Variants in SKAP1 observed in about 807,000 individuals in gnomAD.
The protein encoded by SKAP1 is src kinase-associated phosphoprotein 1.
A neutral mutation model predicts 58.5 loss-of-function variants in SKAP1; 44 were observed. The observed-to-expected ratio is 0.75, with a 90% CI of 0.59 to 0.97. The LOEUF (loss-of-function observed/expected upper bound fraction) is 0.97, where lower values mean the gene tolerates loss of function less well. SKAP1 is among the 50% of genes least tolerant of loss of function. The pLI is 0.00. For missense variants in SKAP1, 390 were observed against 435.2 expected, an observed-to-expected ratio of 0.90 and a Z score of 0.92; for synonymous variants, 127 against 149.7, an observed-to-expected ratio of 0.85 and a Z score of 1.11.
intron 4 of SKAP1, among the ~76,000 whole-genome samples, chr17:48,276,344 C>T (rs2065700893): frequency 6.6e-6 from 1 of 152,082 alleles, no homozygotes. Context: ...CCCTGATTCC[C>T]CTGGGCAAAA....
At chr17:48,268,599 C>T (rs143027552) in intron 4 of SKAP1, among the ~76,000 whole-genome samples, 4 of 152,106 alleles carry the variant, frequency 2.6e-5, no homozygotes, top group East Asian at 1.9e-4. Flanking sequence ...TCAAGTGATT[C>T]GCCTACCTCA....
At chr17:48,290,588 T>A (rs2065887453) in intron 4 of SKAP1, among the ~76,000 whole-genome samples, 1 of 152,216 alleles carries the variant, frequency 6.6e-6, no homozygotes, top group African/African-American at 2.4e-5. Flanking sequence ...ACACTTTGTC[T>A]CTCTTCCCTA....
chr17:48,371,080 G>A (rs1289673352), intron 2 of SKAP1, among the ~76,000 whole-genome samples: 1 of 152,120 alleles, frequency 6.6e-6, no homozygotes, highest in Non-Finnish European at 1.5e-5. Flanking sequence ...CTAAACATTA[G>A]GTACTTATGA....
chr17:48,320,841 T>C (rs1016894849), intron 4 of SKAP1, among the ~76,000 whole-genome samples: 1 of 152,172 alleles, frequency 6.6e-6, no homozygotes, highest in African/African-American at 2.4e-5. Flanking sequence ...AATTCCTAGA[T>C]ACTTCAAAAC....
chr17:48,382,174 T>C (rs957961347), intron 2 of SKAP1, among the ~76,000 whole-genome samples: 4 of 146,818 alleles, frequency 2.7e-5, no homozygotes, highest in African/African-American at 1.0e-4. Flanking sequence ...GCTGTGACTA[T>C]TATTCTTAAA....
intron 4 of SKAP1, among the ~76,000 whole-genome samples, chr17:48,242,443 C>T (rs2065252483): frequency 6.6e-6 from 1 of 152,196 alleles, no homozygotes; most frequent in African/African-American, 2.4e-5. Context: ...CAGTAATGGT[C>T]TAACACAGCA....
chr17:48,375,958 T>C (rs1175695767), intron 2 of SKAP1, among the ~76,000 whole-genome samples: 2 of 152,134 alleles, frequency 1.3e-5, no homozygotes, highest in East Asian at 3.9e-4. Context: ...AGAGACTGGC[T>C]AGGAGGAGAG....
intron 4 of SKAP1, among the ~76,000 whole-genome samples, chr17:48,260,212 G>A (rs1032248057): frequency 6.6e-5 from 10 of 152,238 alleles, no homozygotes; most frequent in Admixed American, 6.5e-5. Flanking sequence ...AAGAAACTCC[G>A]AGGCTAGCAG....
At chr17:48,399,821 G>A (rs916173293) in intron 1 of SKAP1, among the ~76,000 whole-genome samples, 5 of 151,524 alleles carry the variant, frequency 3.3e-5, no homozygotes, top group Non-Finnish European at 5.9e-5. Flanking sequence ...CTTTCCCCAC[G>A]TTCCTTAGAT....
chr17:48,155,252 C>T (rs1342291570), intron 11 of SKAP1, among the ~76,000 whole-genome samples: 2 of 151,308 alleles, frequency 1.3e-5, no homozygotes, highest in South Asian at 2.1e-4. Context: ...CTCAGCTTCC[C>T]TAGTAGCTGG....
At chr17:48,308,910 T>G (rs2066184662) in intron 4 of SKAP1, 3 of 152,162 alleles carry the variant, frequency 2.0e-5, no homozygotes, top group South Asian at 2.1e-4. Context: ...TTATTTGAGC[T>G]CAGTTCCTCC....
chr17:48,223,630 C>T (rs2065030325), intron 4 of SKAP1, among the ~76,000 whole-genome samples: 2 of 152,166 alleles, frequency 1.3e-5, no homozygotes, highest in Admixed American at 1.3e-4. Flanking sequence ...GAAATGCCTG[C>T]AAATTTCCAT....
the SKAP1 span, among the ~76,000 whole-genome samples, chr17:48,439,593 T>G: frequency 2.0e-5 from 3 of 152,342 alleles, no homozygotes; most frequent in South Asian, 6.2e-4. Flanking sequence ...GATAAGTCAC[T>G]CCCATGATAG....
At chr17:48,146,123 T>A (rs1394625604) in intron 11 of SKAP1, among the ~76,000 whole-genome samples, 1 of 152,130 alleles carries the variant, frequency 6.6e-6, no homozygotes, top group Non-Finnish European at 1.5e-5. Context: ...ATGGTCTTTA[T>A]GGGCTGGATC....
At chr17:48,348,529 G>A (rs2066753535) in intron 3 of SKAP1, among the ~76,000 whole-genome samples, 1 of 151,860 alleles carries the variant, frequency 6.6e-6, no homozygotes, top group South Asian at 2.1e-4. Context: ...CCTTCACCCA[G>A]TTTCCCCCAA....
At chr17:48,344,157 T>C (rs1291279386) in intron 4 of SKAP1, 1 of 205,232 alleles carries the variant, frequency 4.9e-6, no homozygotes, top group Non-Finnish European at 8.6e-6. Context: ...TTCTCTATCA[T>C]AGAAAATGAC....
chr17:48,333,622 G>A (rs2066532262), intron 4 of SKAP1, among the ~76,000 whole-genome samples: 1 of 151,924 alleles, frequency 6.6e-6, no homozygotes, highest in Admixed American at 6.5e-5. Flanking sequence ...CATATATATT[G>A]CCTCTTAACA....
intron 2 of SKAP1, among the ~76,000 whole-genome samples, chr17:48,371,113 T>C (rs4606751): frequency 0.62 from 93,851 of 151,898 alleles, 29,746 homozygotes; most frequent in African/African-American, 0.76. Context: ...GAGCAATAGA[T>C]ACTAGGGACT....
intron 4 of SKAP1, among the ~76,000 whole-genome samples, chr17:48,294,114 T>A (rs536263482): frequency 6.6e-6 from 1 of 152,376 alleles, no homozygotes; most frequent in South Asian, 2.1e-4. Flanking sequence ...AATCACCATT[T>A]GTTTTCTTAA....
Sources: allele counts gnomAD v4.1 joint callset (sites outside exome capture counted in the v4.1 genomes callset), GRCh38; gene constraint gnomAD v4.1.1; transcripts MANE v1.5; gene names NCBI Gene and HGNC (gene_info 2026-07-23, HGNC 2026-07-21).